Variants in AGBL1 observed in about 807,000 individuals in gnomAD.
AGBL1 encodes AGBL carboxypeptidase 1.
Under a neutral mutation model 118.9 loss-of-function variants are expected in AGBL1, and 130 were observed. The ratio of observed to expected loss-of-function variants is 1.09; its 90% CI spans 0.95 to 1.26. AGBL1 has a LOEUF of 1.26. Among genes scored for constraint, AGBL1 ranks in the 50% most tolerant of loss-of-function variants. The pLI is 0.00. For missense variants in AGBL1, 1,584 were observed against 1,298.1 expected, an observed-to-expected ratio of 1.22 and a Z score of -3.38; for synonymous variants, 555 against 478.9, an observed-to-expected ratio of 1.16 and a Z score of -2.08.
chr15:86,957,071 G>T (rs187631706), intron 23 of AGBL1, among the ~76,000 whole-genome samples: 331 of 152,152 alleles, frequency 2.2e-3, no homozygotes, highest in Non-Finnish European at 3.5e-3. Flanking sequence ...CTGATGATAA[G>T]GGCAATCAAT....
chr15:86,290,184 G>T (rs1238460258), intron 16 of AGBL1, among the ~76,000 whole-genome samples: 1 of 151,894 alleles, frequency 6.6e-6, no homozygotes, highest in Admixed American at 6.6e-5. Flanking sequence ...TCTCCCTAAA[G>T]AATTATTTTT....
chr15:86,648,706 C>A (rs1398100202), intron 21 of AGBL1, among the ~76,000 whole-genome samples: 4 of 152,010 alleles, frequency 2.6e-5, no homozygotes, highest in Non-Finnish European at 5.9e-5. Flanking sequence ...TAACAGAAGA[C>A]AATAAGAAAC....
intron 1 of AGBL1, among the ~76,000 whole-genome samples, chr15:86,137,175 C>T (rs2076900116): frequency 1.3e-5 from 2 of 152,134 alleles, no homozygotes; most frequent in Non-Finnish European, 2.9e-5. Context: ...CACTGATCAC[C>T]ATAATGTTTA....
intron 22 of AGBL1, among the ~76,000 whole-genome samples, chr15:86,862,500 G>A (rs1428444460): frequency 2.0e-5 from 3 of 152,066 alleles, no homozygotes; most frequent in East Asian, 3.9e-4. Flanking sequence ...CGGGCGGATC[G>A]CCTGAGGTCA....
intron 18 of AGBL1, among the ~76,000 whole-genome samples, chr15:86,494,544 T>C (rs769510329): frequency 6.6e-6 from 1 of 152,112 alleles, no homozygotes; most frequent in Non-Finnish European, 1.5e-5. Context: ...GTTGAGGAAC[T>C]CAACTTTCTC....
chr15:86,672,548 G>A (rs1016590003), intron 21 of AGBL1, among the ~76,000 whole-genome samples: 1 of 152,032 alleles, frequency 6.6e-6, no homozygotes, highest in South Asian at 2.1e-4. Context: ...TCCCCTTCTC[G>A]CCTCCCCTTT....
chr15:86,490,675 C>G (rs1243224667), intron 18 of AGBL1, among the ~76,000 whole-genome samples: 1 of 152,026 alleles, frequency 6.6e-6, no homozygotes, highest in Non-Finnish European at 1.5e-5. Flanking sequence ...TATCACTGAG[C>G]TATAGATTAG....
intron 22 of AGBL1, among the ~76,000 whole-genome samples, chr15:86,867,942 C>T (rs772784421): frequency 6.6e-6 from 1 of 152,108 alleles, no homozygotes; most frequent in African/African-American, 2.4e-5. Context: ...AAGGAAATAG[C>T]AATCGTTACA....
intron 22 of AGBL1, among the ~76,000 whole-genome samples, chr15:86,705,481 G>C (rs761797396): frequency 6.6e-6 from 1 of 152,036 alleles, no homozygotes; most frequent in African/African-American, 2.4e-5. Context: ...GGTAATCCAC[G>C]TAAAGTGTTC....
chr15:86,670,648 G>GTATA (rs140181221), intron 21 of AGBL1, among the ~76,000 whole-genome samples: 665 of 41,696 alleles, frequency 0.016, 6 homozygotes, highest in African/African-American at 0.049. Flanking sequence ...GTGTGTGTGT[G>GTATA]TGTATATATA....
intron 22 of AGBL1, among the ~76,000 whole-genome samples, chr15:86,706,662 A>T (rs1009026183): frequency 6.6e-6 from 1 of 152,206 alleles, no homozygotes; most frequent in African/African-American, 2.4e-5. Context: ...CAGTTAACAC[A>T]GTTGCCTAAC....
At chr15:86,694,783 G>A (rs998878921) in intron 22 of AGBL1, among the ~76,000 whole-genome samples, 17 of 151,830 alleles carry the variant, frequency 1.1e-4, no homozygotes, top group African/African-American at 2.9e-4. Flanking sequence ...TGCCAATTTC[G>A]CTGAAGGTTT....
intron 2 of AGBL1, 36 bp from the exon 3 acceptor site, chr15:86,143,663 T>G: frequency 6.2e-7 from 1 of 1,607,738 alleles, no homozygotes; most frequent in Non-Finnish European, 8.5e-7. Context: ...TGGGGATTAT[T>G]ACTTGTGGCT....
intron 1 of AGBL1, among the ~76,000 whole-genome samples, chr15:86,138,995 G>A (rs944155703): frequency 3.9e-5 from 6 of 152,238 alleles, no homozygotes; most frequent in Non-Finnish European, 8.8e-5. Flanking sequence ...ACAGCTCCTC[G>A]GTTCTTATTT....
At chr15:86,894,753 A>T (rs976862644) in intron 22 of AGBL1, among the ~76,000 whole-genome samples, 9 of 152,310 alleles carry the variant, frequency 5.9e-5, no homozygotes, top group Admixed American at 5.2e-4. Context: ...TATTAAACAA[A>T]ATAGAAGTAT....
chr15:86,660,936 A>G (rs989954382), intron 21 of AGBL1, among the ~76,000 whole-genome samples: 1 of 152,198 alleles, frequency 6.6e-6, no homozygotes. Context: ...TTTAGTGACT[A>G]AAAATGCTCA....
At chr15:86,188,378 A>G (rs2077666234) in intron 5 of AGBL1, among the ~76,000 whole-genome samples, 1 of 152,064 alleles carries the variant, frequency 6.6e-6, no homozygotes, top group Admixed American at 6.6e-5. Context: ...TTATTTCTGT[A>G]AAGATTTTAA....
intron 22 of AGBL1, among the ~76,000 whole-genome samples, chr15:86,796,060 A>G (rs2078566094): frequency 6.6e-6 from 1 of 151,964 alleles, no homozygotes; most frequent in Non-Finnish European, 1.5e-5. Context: ...AGTTTTACCA[A>G]CTCTATGAGG....
At chr15:86,369,242 G>A (rs2080934739) in intron 17 of AGBL1, among the ~76,000 whole-genome samples, 1 of 152,170 alleles carries the variant, frequency 6.6e-6, no homozygotes, top group Non-Finnish European at 1.5e-5. Flanking sequence ...CTAATTCATT[G>A]TTTAATTTGA....
Sources: gnomAD v4.1 joint callset for allele counts (sites outside exome capture counted in the v4.1 genomes callset) on GRCh38, gnomAD v4.1.1 for gene constraint, MANE v1.5 for transcripts, NCBI Gene and HGNC (gene_info 2026-07-23, HGNC 2026-07-21) for gene names.